The following IARS2 variants were observed in gnomAD, a reference collection of about 807,000 sequenced individuals.
The protein encoded by IARS2 is isoleucyl-tRNA synthetase 2, mitochondrial, also known as isoleucine--tRNA ligase, mitochondrial.
Under a neutral mutation model 126.3 loss-of-function variants are expected in IARS2, and 56 were observed. That is an observed-to-expected ratio of 0.44 (90% CI 0.36 to 0.55). IARS2 has a LOEUF of 0.55. Ranked by LOEUF, IARS2 falls within the 20% of genes least tolerant of loss-of-function variation. The probability of loss-of-function intolerance (pLI) is 0.00; values close to 1 mark genes in which losing one functional copy is unlikely to be tolerated. For missense variants in IARS2, 1,127 were observed against 1,245.9 expected (o/e 0.90, Z 1.44); for synonymous variants, 407 against 441.1 (o/e 0.92, Z 0.97).
At chr1:220,146,863 G>T (rs1041603210) in intron 22 of IARS2, among the ~76,000 whole-genome samples, 25 of 151,950 alleles carry the variant, frequency 1.6e-4, no homozygotes, top group African/African-American at 6.0e-4. Context: ...GTAGAGATGG[G>T]GTTTCACCAT....
Position 220,094,468 on chromosome 1 carries a change from G to C in IARS2, c.252G>C (p.Glu84Asp). Residue 84 changes from glutamate to aspartate, a missense_variant, in exon 1 of 23, where the codon GAG becomes GAC. Glu to Asp is a conservative substitution (Grantham distance 45, BLOSUM62 2). Coordinates refer to ENST00000366922, the MANE Select transcript of IARS2 (RefSeq NM_018060.4). ...KLLGRQQPDTELEIQQKCGFS... is the reference protein window; with the variant it reads ...KLLGRQQPDTDLEIQQKCGFS... ...TGGGCCGCCAGCAGCCGGACACGGA[G>C]CTGGAGATCCAGCAGGTACGGGCCC... The C allele has an allele frequency of 6.2e-7, 1 of 1,608,400 alleles. No homozygotes were observed. The highest frequency in any genetic ancestry group is 1.3e-5 in the African/African-American group (1 of 74,874).
intron 13 of IARS2, 91 bp from the exon 14 acceptor site, chr1:220,126,659 A>G: frequency 1.1e-6 from 1 of 908,506 alleles, no homozygotes. Context: ...TCATGGTTGC[A>G]TTTCATTTTC....
intron 2 of IARS2, among the ~76,000 whole-genome samples, chr1:220,098,281 G>T (rs1377309177): frequency 2.0e-5 from 3 of 152,166 alleles, no homozygotes; most frequent in African/African-American, 7.2e-5. Context: ...ACTAGGGAAG[G>T]ACCAATTCTT....
chr1:220,111,433 A>G (rs1656797320), intron 11 of IARS2, among the ~76,000 whole-genome samples: 1 of 152,186 alleles, frequency 6.6e-6, no homozygotes, highest in Non-Finnish European at 1.5e-5. Context: ...TCTGCTTACA[A>G]AGGAAGCATA....
intron 16 of IARS2, 177 bp from the exon 17 acceptor site, chr1:220,137,741 T>G: frequency 1.6e-6 from 1 of 618,322 alleles, no homozygotes; most frequent in Non-Finnish European, 2.7e-6. Flanking sequence ...TTTTCCAGTT[T>G]TGTTTTTAGA....
chr1:220,100,714 G>C lies in IARS2; in HGVS notation c.550+65G>C, dbSNP rs1558119156. 2.3e-6 allele frequency: 3 copies of C among 1,289,922 alleles called. No individual in the cohort carries two copies. In the African/African-American group the frequency reaches 4.5e-5, roughly 20 times the overall value. 79.9% of individuals were successfully genotyped at this position (1,289,922 alleles called of 1,614,324 possible). The stretch of plus-strand genomic sequence containing the variant: ...AACACTCAGGTCCTTGAAATAGTCA[G>C]AACTTTACCAAAGGAACCTTTTGTT... On this transcript the variant is annotated intron_variant, in intron 3 of 22. Coordinates refer to ENST00000366922, the MANE Select transcript of IARS2 (RefSeq NM_018060.4).
chr1:220,129,978 G>A (rs1167254428), intron 14 of IARS2, among the ~76,000 whole-genome samples: 3 of 152,162 alleles, frequency 2.0e-5, no homozygotes, highest in Non-Finnish European at 2.9e-5. Flanking sequence ...CCCACCAACA[G>A]TGTATAATAG....
intron 19 of IARS2, among the ~76,000 whole-genome samples, chr1:220,140,510 C>T (rs1460868443): frequency 6.6e-6 from 1 of 152,102 alleles, no homozygotes; most frequent in African/African-American, 2.4e-5. Context: ...ACTTGGGAGG[C>T]GGAGGTTGCA....
intron 17 of IARS2, among the ~76,000 whole-genome samples, chr1:220,138,672 A>G (rs931738739): frequency 1.3e-5 from 2 of 151,802 alleles, no homozygotes; most frequent in African/African-American, 2.4e-5. Flanking sequence ...TCTTTATTTC[A>G]TTGTGAAGCA....
At chr1:220,145,723 C>A in intron 22 of IARS2, 70 bp downstream of exon 22, 1 of 1,311,710 alleles carries the variant, frequency 7.6e-7, no homozygotes, top group South Asian at 1.5e-5. Context: ...TCCAACTTTC[C>A]AGTGGACTGG....
chr1:220,126,341 C>G (rs1657157208), intron 13 of IARS2, among the ~76,000 whole-genome samples: 2 of 151,980 alleles, frequency 1.3e-5, no homozygotes, highest in Admixed American at 1.3e-4. Context: ...CAATTGTTAT[C>G]TCATTGAGGG....
intron 10 of IARS2, among the ~76,000 whole-genome samples, chr1:220,107,887 C>T (rs1022599622): frequency 4.6e-5 from 7 of 152,264 alleles, no homozygotes; most frequent in Non-Finnish European, 7.4e-5. Flanking sequence ...TGTCTTGTCA[C>T]ATGGCCTTCT....
At chr1:220,109,922 TC>T (rs1656761525) in intron 10 of IARS2, among the ~76,000 whole-genome samples, 1 of 152,250 alleles carries the variant, frequency 6.6e-6, no homozygotes, top group Admixed American at 6.5e-5. Flanking sequence ...AATCTGTTCA[TC>T]TTTTCTTTGA....
intron 12 of IARS2, among the ~76,000 whole-genome samples, chr1:220,123,870 C>T (rs73098513): frequency 0.01 from 1,562 of 152,272 alleles, 27 homozygotes; most frequent in African/African-American, 0.036. Context: ...CAGGCCCAGA[C>T]CTGACGTCAA....
Position 220,111,056 on chromosome 1 carries a change from G to A in IARS2, c.1479+119G>A. 3.3e-6 allele frequency: 3 copies of A among 899,976 alleles called. No individual in the cohort carries two copies. The East Asian group carries it at 8.1e-5, about 24-fold the overall frequency. The allele number at this position is 899,976 out of a possible 1,614,324, so 55.7% of individuals were successfully genotyped here. A position where few individuals can be genotyped will look rare whatever the true frequency, so the allele number is the denominator to read the frequency against. On this transcript the variant is annotated intron_variant, in intron 11 of 22. Transcript: ENST00000366922. ...TAGGGATTGCTGCTATTATGATTTAGTTTCATAACATTGTAGAATTTTAGA... is the reference window on the plus strand; with the variant it reads ...TAGGGATTGCTGCTATTATGATTTAATTTCATAACATTGTAGAATTTTAGA...
chr1:220,138,833 A>G (rs1657433515), intron 17 of IARS2, among the ~76,000 whole-genome samples, 175 bp from the exon 18 acceptor site: 1 of 152,152 alleles, frequency 6.6e-6, no homozygotes, highest in Non-Finnish European at 1.5e-5. Flanking sequence ...TTGGAATAAG[A>G]GTTTGTTGTG....
chr1:220,142,785 T>C (rs1657515785), intron 20 of IARS2, among the ~76,000 whole-genome samples, 159 bp from the exon 21 acceptor site: 1 of 152,220 alleles, frequency 6.6e-6, no homozygotes, highest in Non-Finnish European at 1.5e-5. Context: ...CTGATATAAA[T>C]GTTTTGTAAA....
At chr1:220,141,691 T>C in intron 19 of IARS2, 112 bp from the exon 20 acceptor site, 2 of 1,028,256 alleles carry the variant, frequency 1.9e-6, no homozygotes, top group Non-Finnish European at 2.9e-6. Flanking sequence ...TAGAAGATGA[T>C]TAGAGCCATA....
chr1:220,095,199 C>T (rs1329014833), intron 1 of IARS2, among the ~76,000 whole-genome samples: 7 of 152,078 alleles, frequency 4.6e-5, no homozygotes, highest in South Asian at 2.1e-4. Flanking sequence ...CCACCACGCC[C>T]GGCTAATTTT....
Sources: allele counts gnomAD v4.1 joint callset (sites outside exome capture counted in the v4.1 genomes callset), GRCh38; gene constraint gnomAD v4.1.1; transcripts MANE v1.5; gene names NCBI Gene and HGNC (gene_info 2026-07-23, HGNC 2026-07-21).